Variants in STXBP5 observed in about 807,000 individuals in gnomAD.
STXBP5 encodes the protein syntaxin-binding protein 5.
STXBP5 carries 50 observed loss-of-function variants against 152.4 expected under a neutral mutation model. The observed-to-expected ratio is 0.33, with a 90% confidence interval of 0.26 to 0.42. STXBP5 has a LOEUF of 0.42. Ranked by LOEUF, STXBP5 falls within the 10% of genes least tolerant of loss-of-function variation. STXBP5 has a pLI of 1.00. For missense variants in STXBP5, 1,167 were observed against 1,388.6 expected (o/e 0.84, Z 2.54); for synonymous variants, 492 against 494.7 (o/e 0.99, Z 0.07).
chr6:147,221,569 T>G (rs1194408388), intron 2 of STXBP5, among the ~76,000 whole-genome samples: 2 of 151,956 alleles, frequency 1.3e-5, no homozygotes, highest in African/African-American at 2.4e-5. Context: ...TTCTGCACTT[T>G]AAATGTTTTA....
At chr6:147,232,460 A>T (rs758253295) in intron 2 of STXBP5, among the ~76,000 whole-genome samples, 2 of 151,760 alleles carry the variant, frequency 1.3e-5, no homozygotes, top group African/African-American at 2.4e-5. Flanking sequence ...TTAATTTTAA[A>T]TTTTTTGTTA....
At chr6:147,321,964 C>G (rs951772333) in intron 16 of STXBP5, among the ~76,000 whole-genome samples, 1 of 152,074 alleles carries the variant, frequency 6.6e-6, no homozygotes, top group Non-Finnish European at 1.5e-5. Context: ...TTTATTTTTA[C>G]TTAAGAACGT....
intron 26 of STXBP5, among the ~76,000 whole-genome samples, chr6:147,376,385 AAG>A (rs1001530752): frequency 6.6e-6 from 1 of 152,208 alleles, no homozygotes; most frequent in African/African-American, 2.4e-5. Context: ...ACAAAGCAAA[AAG>A]AGAGAGAGAA....
chr6:147,327,385 CT>C, intron 18 of STXBP5, 109 bp downstream of exon 18: 1 of 1,311,468 alleles, frequency 7.6e-7, no homozygotes, highest in Non-Finnish European at 1.0e-6. Context: ...CTGATTTAGT[CT>C]GTATATATAA....
intron 8 of STXBP5, among the ~76,000 whole-genome samples, chr6:147,284,222 C>G (rs1163895886): frequency 6.6e-6 from 1 of 152,078 alleles, no homozygotes; most frequent in Non-Finnish European, 1.5e-5. Flanking sequence ...GGTAGACTTA[C>G]GGCTACCCTA....
At chr6:147,266,089 A>G (rs10457811) in intron 6 of STXBP5, among the ~76,000 whole-genome samples, 6,593 of 152,178 alleles carry the variant, frequency 0.043, 208 homozygotes, top group Non-Finnish European at 0.062. Flanking sequence ...GCGAGGCAGC[A>G]TGTACAAAGG....
At chr6:147,370,154 A>G (rs921652742) in intron 25 of STXBP5, among the ~76,000 whole-genome samples, 3 of 152,114 alleles carry the variant, frequency 2.0e-5, no homozygotes, top group Non-Finnish European at 4.4e-5. Context: ...GAAAAAGAGT[A>G]CATGTTGTTC....
chr6:147,375,338 G>A (rs1244936002), intron 26 of STXBP5, among the ~76,000 whole-genome samples: 2 of 152,036 alleles, frequency 1.3e-5, no homozygotes, highest in Admixed American at 1.3e-4. Flanking sequence ...AAAGTCAATA[G>A]CAGTAGATGT....
chr6:147,254,552 A>C (rs1304924856), intron 4 of STXBP5, among the ~76,000 whole-genome samples: 2 of 152,226 alleles, frequency 1.3e-5, no homozygotes, highest in Non-Finnish European at 2.9e-5. Flanking sequence ...CATCTGGCAA[A>C]AGGCTAATAT....
At chr6:147,356,454 A>C (rs1202403422) in intron 22 of STXBP5, among the ~76,000 whole-genome samples, 2 of 151,774 alleles carry the variant, frequency 1.3e-5, no homozygotes, top group Non-Finnish European at 2.9e-5. Context: ...ATAAAGAGTT[A>C]ATAAATATTT....
intron 4 of STXBP5, among the ~76,000 whole-genome samples, chr6:147,245,588 CA>C (rs764312369): frequency 2.6e-5 from 4 of 152,262 alleles, no homozygotes; most frequent in South Asian, 2.1e-4. Context: ...TCCTCTGTTA[CA>C]GATTGAATTG....
intron 21 of STXBP5, among the ~76,000 whole-genome samples, chr6:147,347,928 A>G (rs1562261051): frequency 6.6e-6 from 1 of 152,200 alleles, no homozygotes. Context: ...AATTAATTTA[A>G]TGATTATTTC....
chr6:147,204,575 G>GCCCCGGCC lies in STXBP5; in HGVS notation c.45_46insCCGGCCCC (p.Gly16ProfsTer69). On this transcript the variant is annotated frameshift_variant, in exon 1 of 28. Transcript: ENST00000321680. LOFTEE classifies it high-confidence loss of function. The surrounding 1 kb of genome is among the most constrained non-coding windows in gnomAD (Gnocchi z 4.3). ...CAGGAAGGTGCTGGACGGCCTGACC[G>GCCCCGGCC]CCGGCTCGTCCTCGGCGTCGCAGCA... The GCCCCGGCC allele has an allele frequency of 6.2e-7, 1 of 1,609,744 alleles. No individual in the cohort carries two copies. Among genetic ancestry groups the GCCCCGGCC allele is most frequent in the Non-Finnish European group, 8.5e-7 (1 of 1,178,148 alleles).
intron 2 of STXBP5, among the ~76,000 whole-genome samples, chr6:147,207,869 A>G (rs540724489): frequency 4.1e-4 from 63 of 152,240 alleles, no homozygotes; most frequent in Admixed American, 1.2e-3. Context: ...GCCCTTTTAT[A>G]ATTTAGTATA....
At chr6:147,369,600 C>T (rs1357895086) in intron 25 of STXBP5, among the ~76,000 whole-genome samples, 2 of 151,810 alleles carry the variant, frequency 1.3e-5, no homozygotes, top group Non-Finnish European at 2.9e-5. Context: ...ATGAATGACC[C>T]TTAAAACTCA....
At chr6:147,222,476 T>C (rs190733590) in intron 2 of STXBP5, among the ~76,000 whole-genome samples, 1 of 152,212 alleles carries the variant, frequency 6.6e-6, no homozygotes, top group Non-Finnish European at 1.5e-5. Flanking sequence ...CTTCTTAATC[T>C]CTTCTCCCCA....
chr6:147,208,538 A>G (rs1245929928), intron 2 of STXBP5, among the ~76,000 whole-genome samples: 2 of 152,134 alleles, frequency 1.3e-5, no homozygotes, highest in East Asian at 3.9e-4. Context: ...TCCTATTGTA[A>G]TTGGTTTCTT....
chr6:147,340,299 C>G (rs1369685018), intron 21 of STXBP5, among the ~76,000 whole-genome samples: 4 of 152,106 alleles, frequency 2.6e-5, no homozygotes, highest in South Asian at 4.1e-4. Context: ...TCCATGTTGT[C>G]TGTATTTTAT....
At chr6:147,259,515 AAGAATG>A (rs1281176672) in intron 4 of STXBP5, among the ~76,000 whole-genome samples, 3 of 152,308 alleles carry the variant, frequency 2.0e-5, no homozygotes, top group Admixed American at 2.0e-4. Flanking sequence ...ACCTCTAAGA[AAGAATG>A]AGAATGAGTT....
Sources: gnomAD v4.1 joint callset for allele counts (sites outside exome capture counted in the v4.1 genomes callset) on GRCh38, gnomAD v4.1.1 for gene constraint, Gnocchi (gnomAD v3.1) non-coding constraint, MANE v1.5 for transcripts, NCBI Gene and HGNC (gene_info 2026-07-23, HGNC 2026-07-21) for gene names.